The following KCNIP4 variants were observed in gnomAD, a reference collection of about 807,000 sequenced individuals.
The protein encoded by KCNIP4 is potassium voltage-gated channel interacting protein 4.
Under a neutral mutation model 34.0 loss-of-function variants are expected in KCNIP4, and 12 were observed. The observed-to-expected ratio is 0.35, with a 90% CI of 0.23 to 0.57. KCNIP4 has a LOEUF of 0.57. Ranked by LOEUF, KCNIP4 falls within the 20% of genes least tolerant of loss-of-function variation. The pLI is 0.83. For missense variants in KCNIP4, 238 were observed against 311.7 expected, an observed-to-expected ratio of 0.76 and a Z score of 1.78; for synonymous variants, 124 against 102.2, an observed-to-expected ratio of 1.21 and a Z score of -1.29.
chr4:20,805,366 T>C (rs1313477993), intron 3 of KCNIP4, among the ~76,000 whole-genome samples: 2 of 152,084 alleles, frequency 1.3e-5, no homozygotes, highest in East Asian at 1.9e-4. Context: ...CTGTTCCCTT[T>C]AATACTCTTC....
chr4:21,783,725 C>T (rs890339113), intron 1 of KCNIP4, among the ~76,000 whole-genome samples: 4 of 152,106 alleles, frequency 2.6e-5, no homozygotes, highest in Admixed American at 6.6e-5. Flanking sequence ...AAAACAATCA[C>T]ATAATAGAAA....
intron 1 of KCNIP4, among the ~76,000 whole-genome samples, chr4:21,478,241 T>C (rs1203001421): frequency 4.2e-5 from 4 of 95,336 alleles, no homozygotes; most frequent in Non-Finnish European, 9.2e-5. Flanking sequence ...TTACTATTTA[T>C]TTACATATTT....
chr4:20,846,333 G>A (rs1328864663), intron 3 of KCNIP4, among the ~76,000 whole-genome samples: 2 of 152,124 alleles, frequency 1.3e-5, no homozygotes, highest in Admixed American at 1.3e-4. Flanking sequence ...GACAGAAAAA[G>A]CCAAAGCAGC....
At chr4:21,050,023 T>C (rs1742786778) in intron 1 of KCNIP4, among the ~76,000 whole-genome samples, 2 of 152,224 alleles carry the variant, frequency 1.3e-5, no homozygotes, top group African/African-American at 2.4e-5. Flanking sequence ...ACTCATTGGT[T>C]TAAAAGTGTT....
intron 1 of KCNIP4, among the ~76,000 whole-genome samples, chr4:21,813,296 G>C (rs571477991): frequency 6.6e-6 from 1 of 152,148 alleles, no homozygotes; most frequent in African/African-American, 2.4e-5. Flanking sequence ...CTGGTTGAAA[G>C]GAGAAAAAAT....
intron 1 of KCNIP4, among the ~76,000 whole-genome samples, chr4:21,239,029 A>G (rs1376034199): frequency 6.6e-6 from 1 of 152,082 alleles, no homozygotes; most frequent in African/African-American, 2.4e-5. Flanking sequence ...AAACAGAGAT[A>G]TAGACCAATG....
intron 1 of KCNIP4, among the ~76,000 whole-genome samples, chr4:21,231,501 A>C (rs562647482): frequency 1.4e-4 from 21 of 152,168 alleles, no homozygotes; most frequent in Non-Finnish European, 3.1e-4. Flanking sequence ...TATGTACAGT[A>C]AACATTTTTA....
At chr4:21,070,126 T>C (rs1744756252) in intron 1 of KCNIP4, among the ~76,000 whole-genome samples, 1 of 152,212 alleles carries the variant, frequency 6.6e-6, no homozygotes, top group Non-Finnish European at 1.5e-5. Context: ...TCACTCAATA[T>C]AATGCCCTTG....
intron 1 of KCNIP4, among the ~76,000 whole-genome samples, chr4:21,598,452 T>C (rs1560548488): frequency 6.6e-6 from 1 of 152,110 alleles, no homozygotes; most frequent in Non-Finnish European, 1.5e-5. Flanking sequence ...CAAAACTAGC[T>C]ATAGGAGATA....
intron 1 of KCNIP4, among the ~76,000 whole-genome samples, chr4:21,875,706 T>G (rs932751439): frequency 6.6e-6 from 1 of 152,216 alleles, no homozygotes; most frequent in Non-Finnish European, 1.5e-5. Flanking sequence ...GATTATTTGA[T>G]GCTGAAAAAT....
At chr4:20,958,525 C>T (rs927759116) in intron 1 of KCNIP4, among the ~76,000 whole-genome samples, 25 of 152,056 alleles carry the variant, frequency 1.6e-4, no homozygotes, top group African/African-American at 5.8e-4. Flanking sequence ...AAGAGGAATA[C>T]GTAAAGTGTG....
intron 1 of KCNIP4, among the ~76,000 whole-genome samples, chr4:21,650,721 G>T (rs879611804): frequency 6.6e-6 from 1 of 152,048 alleles, no homozygotes; most frequent in Non-Finnish European, 1.5e-5. Context: ...CAGTTTCTGC[G>T]CATCACAACT....
intron 1 of KCNIP4, among the ~76,000 whole-genome samples, chr4:21,419,041 C>T (rs1725213581): frequency 6.6e-6 from 1 of 152,166 alleles, no homozygotes; most frequent in African/African-American, 2.4e-5. Flanking sequence ...GTAGGGCCTT[C>T]TACTCGGGAG....
intron 1 of KCNIP4, among the ~76,000 whole-genome samples, chr4:21,237,687 T>C (rs1358563272): frequency 2.0e-5 from 3 of 152,020 alleles, no homozygotes; most frequent in Non-Finnish European, 4.4e-5. Flanking sequence ...CAGGAAAAAG[T>C]TGAATCTCTG....
At chr4:21,374,292 T>G (rs1720764176) in intron 1 of KCNIP4, among the ~76,000 whole-genome samples, 1 of 146,884 alleles carries the variant, frequency 6.8e-6, no homozygotes. Context: ...TGGGGAGGCC[T>G]CACAAACATG....
chr4:20,772,593 A>C (rs980209841), intron 3 of KCNIP4, among the ~76,000 whole-genome samples: 6 of 151,746 alleles, frequency 4.0e-5, no homozygotes, highest in African/African-American at 7.3e-5. Context: ...AGCTCTAAAT[A>C]CATTTTATAC....
intron 1 of KCNIP4, among the ~76,000 whole-genome samples, chr4:21,618,066 AC>A (rs1744724039): frequency 6.6e-6 from 1 of 152,236 alleles, no homozygotes; most frequent in South Asian, 2.1e-4. Flanking sequence ...CACTGATGGT[AC>A]ATATGATGCT....
At chr4:21,073,923 A>G (rs1322906580) in intron 1 of KCNIP4, among the ~76,000 whole-genome samples, 5 of 152,132 alleles carry the variant, frequency 3.3e-5, no homozygotes, top group Admixed American at 3.3e-4. Flanking sequence ...GGTTCTGTTT[A>G]TATGCTGGAT....
At chr4:20,877,170 C>G (rs1295793337) in intron 2 of KCNIP4, among the ~76,000 whole-genome samples, 1 of 152,170 alleles carries the variant, frequency 6.6e-6, no homozygotes, top group Non-Finnish European at 1.5e-5. Flanking sequence ...TGGGCTCGCT[C>G]TTTGGTGAGT....
Sources: gnomAD v4.1 joint callset for allele counts (sites outside exome capture counted in the v4.1 genomes callset) on GRCh38, gnomAD v4.1.1 for gene constraint, MANE v1.5 for transcripts, NCBI Gene and HGNC (gene_info 2026-07-23, HGNC 2026-07-21) for gene names.